LGR6: variants seen among roughly 807,000 people sequenced by gnomAD.
LGR6 encodes the protein leucine-rich repeat-containing G protein-coupled receptor 6.
In LGR6, 45 loss-of-function variants were observed where a neutral mutation model predicts 69.4. That is an observed-to-expected ratio of 0.65 (90% CI 0.51 to 0.83). LGR6 has a LOEUF of 0.83. Ranked by LOEUF, LGR6 falls within the 40% of genes least tolerant of loss-of-function variation. The probability of loss-of-function intolerance (pLI) is 0.00; values close to 1 mark genes in which losing one functional copy is unlikely to be tolerated. For synonymous variants in LGR6, 538 were observed against 555.0 expected (o/e 0.97, Z 0.43); for missense variants, 1,108 against 1,246.7 (o/e 0.89, Z 1.68).
chr1:202,200,538 G>C (rs1466149341), intron 1 of LGR6, among the ~76,000 whole-genome samples: 1 of 152,198 alleles, frequency 6.6e-6, no homozygotes, highest in Non-Finnish European at 1.5e-5. Flanking sequence ...CCTTGGGAAG[G>C]TGCAGGAGAT....
In LGR6 at chr1:202,268,211, G is replaced by A. The variant is rs955668679; in HGVS notation, c.429-8095G>A. Among the ~76,000 whole-genome samples, 9 of 152,302 alleles carry A rather than the reference G, an allele frequency of 5.9e-5. No homozygotes were observed. Among genetic ancestry groups the A allele is most frequent in the South Asian group, 2.1e-4 (1 of 4,826 alleles). Reference sequence around the variant, plus strand: ...GACCCCACAACCCCATTGGAGCCCCGTGGCCCTCCGTGCAGAAGCTGGCAC... The same window carrying A: ...GACCCCACAACCCCATTGGAGCCCCATGGCCCTCCGTGCAGAAGCTGGCAC... On this transcript the variant is annotated intron_variant, in intron 4 of 17. Transcript: ENST00000367278. The surrounding 1 kb of genome is among the most constrained non-coding windows in gnomAD (Gnocchi z 4.4).
intron 4 of LGR6, among the ~76,000 whole-genome samples, chr1:202,249,785 A>G (rs1234728013): frequency 1.3e-5 from 2 of 152,040 alleles, no homozygotes; most frequent in Non-Finnish European, 2.9e-5. Context: ...GGTGGCCACC[A>G]TTGTCTGCCC....
intron 1 of LGR6, chr1:202,194,520 A>G (rs1448273300): frequency 2.5e-5 from 16 of 639,538 alleles, no homozygotes; most frequent in Non-Finnish European, 4.8e-5. Context: ...TGGCTGCTCC[A>G]TCTCCTGTTG....
intron 16 of LGR6, among the ~76,000 whole-genome samples, chr1:202,314,217 C>T (rs1316449675): frequency 6.6e-6 from 1 of 152,124 alleles, no homozygotes; most frequent in Non-Finnish European, 1.5e-5. Flanking sequence ...TTCCTTTACC[C>T]CTAACAGTCC....
chr1:202,232,181 G>A (rs1000849017), intron 3 of LGR6, among the ~76,000 whole-genome samples: 1 of 151,938 alleles, frequency 6.6e-6, no homozygotes, highest in Non-Finnish European at 1.5e-5. Context: ...AGTGAGTGAA[G>A]AGGGTGGTAC....
In LGR6 at chr1:202,319,260, C is replaced by G. The variant is rs956771741; in HGVS notation, c.*53C>G. ...TCTCTTCCCTTTCCTCTCTCCCCCTCGGTGAATGATGGCTGCTTCTAAAAC... is the reference window on the plus strand; with the variant it reads ...TCTCTTCCCTTTCCTCTCTCCCCCTGGGTGAATGATGGCTGCTTCTAAAAC... On this transcript the variant is annotated 3_prime_UTR_variant, in exon 18 of 18. Coordinates refer to ENST00000367278, the MANE Select transcript of LGR6 (RefSeq NM_001017403.2). 3 of 1,486,418 alleles carry G rather than the reference C, an allele frequency of 2.0e-6. No individual in the cohort carries two copies. The highest frequency in any genetic ancestry group is 4.9e-5 in the Admixed American group (2 of 41,056). 92.1% of individuals were successfully genotyped at this position (1,486,418 alleles called of 1,614,324 possible).
chr1:202,274,929 T>A (rs3010082), intron 4 of LGR6, among the ~76,000 whole-genome samples: 3 of 152,116 alleles, frequency 2.0e-5, no homozygotes, highest in African/African-American at 7.2e-5. Flanking sequence ...ACCCAAGACT[T>A]CAGTGTTGGC....
intron 1 of LGR6, among the ~76,000 whole-genome samples, chr1:202,206,760 G>A (rs55745151): frequency 0.092 from 14,048 of 151,924 alleles, 859 homozygotes; most frequent in Non-Finnish European, 0.13. Flanking sequence ...ACTTATAATG[G>A]GATCTCACTA....
intron 1 of LGR6, among the ~76,000 whole-genome samples, chr1:202,213,189 G>T (rs1236030875): frequency 6.6e-6 from 1 of 152,148 alleles, no homozygotes; most frequent in East Asian, 1.9e-4. Flanking sequence ...GTCTGGTCCA[G>T]CCAGGGCATC....
Position 202,306,665 on chromosome 1 carries a change from G to C in LGR6, c.1137-203G>C, listed in dbSNP as rs577669249. ...TTTGGGCCACAGGGATGGTTTTGTGGCTTTGTCTCCTGACCCACTTACCCA... is the reference window on the plus strand; with the variant it reads ...TTTGGGCCACAGGGATGGTTTTGTGCCTTTGTCTCCTGACCCACTTACCCA... On this transcript the variant is annotated intron_variant, in intron 12 of 17. Transcript: ENST00000367278. The C allele has an allele frequency of 1.8e-4, 116 of 628,696 alleles. No homozygotes were observed. In the African/African-American group the frequency reaches 2.0e-3, roughly 11 times the overall value. 38.9% of individuals were successfully genotyped at this position (628,696 alleles called of 1,614,324 possible).
intron 13 of LGR6, 124 bp from the exon 14 acceptor site, chr1:202,307,206 A>G: frequency 3.2e-6 from 3 of 951,332 alleles, no homozygotes; most frequent in South Asian, 3.0e-5. Context: ...ACCTTCCCCA[A>G]AAGGCAAAGG....
intron 4 of LGR6, among the ~76,000 whole-genome samples, chr1:202,269,646 C>G (rs1053524647): frequency 2.0e-5 from 3 of 152,194 alleles, no homozygotes; most frequent in African/African-American, 7.2e-5. Context: ...CCCACCTTTC[C>G]TCATGAATTC....
At chr1:202,297,680 C>T in intron 7 of LGR6, 104 bp downstream of exon 7, 1 of 893,320 alleles carries the variant, frequency 1.1e-6, no homozygotes, top group Non-Finnish European at 1.8e-6. Flanking sequence ...CTCCCATGGT[C>T]CTTATAAAAG....
At position 202,319,108 on chromosome 1, in the gene LGR6, A is replaced by G. The variant is rs770275508; in HGVS notation, c.2805A>G (p.Glu935=). 2 of 1,614,206 alleles carry G rather than the reference A, an allele frequency of 1.2e-6. No homozygotes were observed. The highest frequency in any genetic ancestry group is 2.2e-5 in the East Asian group (1 of 44,876). The change falls in exon 18 of 18, where the codon GAA becomes GAG. Residue 935 remains glutamate (E), a synonymous_variant. Coordinates refer to ENST00000367278, the MANE Select transcript of LGR6 (RefSeq NM_001017403.2). ...ACCCCCAACCCTCCATGGATGGAGA[A>G]CTGCTGCTGAGGGCAGAGGGATCTA... ...FGNPQPSMDG[E]LLLRAEGSTP... is the part of the protein sequence containing the mutation.
Position 202,212,188 on chromosome 1 carries a change from G to A in LGR6, c.213-13235G>A, listed in dbSNP as rs182413191. Among the ~76,000 whole-genome samples the A allele has an allele frequency of 3.1e-4, 47 of 152,302 alleles. No homozygotes were observed. The East Asian group carries it at 7.3e-3, about 24-fold the overall frequency. Reference sequence around the variant, plus strand: ...GTCTGTTGGTTAAGTCCCCAGCAATGGAATTGCTGGATCAGAGTAGATCCA... The same window carrying A: ...GTCTGTTGGTTAAGTCCCCAGCAATAGAATTGCTGGATCAGAGTAGATCCA... On this transcript the variant is annotated intron_variant, in intron 1 of 17. Transcript: ENST00000367278.
intron 16 of LGR6, among the ~76,000 whole-genome samples, chr1:202,313,967 A>T (rs1009195913): frequency 1.3e-5 from 2 of 152,106 alleles, no homozygotes; most frequent in African/African-American, 4.8e-5. Context: ...TCCATCTCTT[A>T]TTCATCCCTG....
intron 1 of LGR6, among the ~76,000 whole-genome samples, chr1:202,195,990 T>C (rs1382286896): frequency 6.6e-6 from 1 of 152,138 alleles, no homozygotes; most frequent in Non-Finnish European, 1.5e-5. Context: ...GAAGTCTGCA[T>C]TTGGGTTCAG....
intron 1 of LGR6, among the ~76,000 whole-genome samples, chr1:202,196,256 C>T (rs534969157): frequency 1.3e-5 from 2 of 152,184 alleles, no homozygotes; most frequent in Admixed American, 6.5e-5. Context: ...TGAAGGATTC[C>T]TACAGTTGTC....
At chr1:202,256,051 T>G (rs1415249632) in intron 4 of LGR6, among the ~76,000 whole-genome samples, 1 of 152,114 alleles carries the variant, frequency 6.6e-6, no homozygotes, top group Non-Finnish European at 1.5e-5. Context: ...TATCTCATCT[T>G]CCCCCAGCCC....
Sources: gnomAD v4.1 joint callset for allele counts (sites outside exome capture counted in the v4.1 genomes callset) on GRCh38, gnomAD v4.1.1 for gene constraint, Gnocchi (gnomAD v3.1) non-coding constraint, MANE v1.5 for transcripts, NCBI Gene and HGNC (gene_info 2026-07-23, HGNC 2026-07-21) for gene names.